PKHD1: variants seen among roughly 807,000 people sequenced by gnomAD.
PKHD1 encodes the protein PKHD1 ciliary IPT domain containing fibrocystin/polyductin, also known as fibrocystin.
In PKHD1, 291 loss-of-function variants were observed where a neutral mutation model predicts 412.0. The observed-to-expected ratio is 0.71, with a 90% CI of 0.64 to 0.78. The LOEUF is 0.78. Ranked by LOEUF, PKHD1 falls within the 30% of genes least tolerant of loss-of-function variation. The pLI, the probability that PKHD1 is intolerant of heterozygous loss-of-function variation, is 0.00. For missense variants in PKHD1, 4,825 were observed against 4,950.7 expected (o/e 0.97, Z 0.76); for synonymous variants, 1,777 against 1,821.5 (o/e 0.98, Z 0.62).
intron 53 of PKHD1, among the ~76,000 whole-genome samples, chr6:51,779,989 T>G (rs1217657800): frequency 2.0e-5 from 3 of 152,104 alleles, no homozygotes; most frequent in Admixed American, 1.3e-4. Flanking sequence ...ATACAGCATT[T>G]GTTTTCTGAC....
intron 36 of PKHD1, among the ~76,000 whole-genome samples, chr6:51,942,804 G>A (rs1184602267): frequency 6.6e-6 from 1 of 151,510 alleles, no homozygotes; most frequent in Non-Finnish European, 1.5e-5. Flanking sequence ...TTTCCATCGT[G>A]GAAATCCATC....
chr6:51,902,251 T>G (rs1781408700), intron 43 of PKHD1, among the ~76,000 whole-genome samples: 3 of 152,146 alleles, frequency 2.0e-5, no homozygotes, highest in South Asian at 4.1e-4. Flanking sequence ...ACTCTTTTAT[T>G]TACGCAGCTT....
chr6:51,924,743 G>A (rs1785251242), intron 37 of PKHD1, among the ~76,000 whole-genome samples: 1 of 152,126 alleles, frequency 6.6e-6, no homozygotes, highest in Admixed American at 6.5e-5. Context: ...GATAAAGGAG[G>A]TATCAAGAAT....
intron 49 of PKHD1, among the ~76,000 whole-genome samples, chr6:51,852,184 G>T (rs1045960238): frequency 6.6e-6 from 1 of 152,134 alleles, no homozygotes; most frequent in Non-Finnish European, 1.5e-5. Flanking sequence ...GGAGCAGATT[G>T]TTCAATTTCC....
At position 52,049,540 on chromosome 6, in the gene PKHD1, G is replaced by A. The variant is rs940814828; in HGVS notation, c.2279+617C>T. ...AGCACTCAATTCTTCCCATTCTACT[G>A]GGGTTTAGGTGAAAAATTAAAAGAA... On this transcript the variant is annotated intron_variant, in intron 22 of 66. Transcript: ENST00000371117. Among the ~76,000 whole-genome samples, 6 of 152,102 alleles carry A rather than the reference G, an allele frequency of 3.9e-5. No homozygotes were observed. In the East Asian group the frequency reaches 1.2e-3, roughly 29 times the overall value.
At chr6:52,072,391 C>A (rs1399063704) in intron 7 of PKHD1, among the ~76,000 whole-genome samples, 1 of 152,158 alleles carries the variant, frequency 6.6e-6, no homozygotes, top group East Asian at 1.9e-4. Flanking sequence ...CATGCTTTCA[C>A]ACTAAACAGA....
intron 65 of PKHD1, among the ~76,000 whole-genome samples, chr6:51,630,436 GA>G (rs1767788046): frequency 6.6e-6 from 1 of 152,054 alleles, no homozygotes; most frequent in African/African-American, 2.4e-5. Flanking sequence ...CATATTTTTT[GA>G]AAATACAACT....
intron 48 of PKHD1, among the ~76,000 whole-genome samples, chr6:51,856,395 T>C (rs541809999): frequency 4.2e-4 from 64 of 152,352 alleles, no homozygotes; most frequent in Admixed American, 9.2e-4. Context: ...TGGAGTGCAA[T>C]GCGCAGTCTC....
chr6:51,883,278 C>T (rs376161232), intron 45 of PKHD1, 51 bp from the exon 46 acceptor site: 157 of 1,521,308 alleles, frequency 1.0e-4, no homozygotes, highest in Non-Finnish European at 1.3e-4. Flanking sequence ...GTTTTTCTTG[C>T]GGACTTCCTG....
Position 51,867,939 on chromosome 6 carries a change from T to C in PKHD1, c.7657A>G (p.Asn2553Asp). 6.2e-7 allele frequency: 1 copy of C among 1,613,376 alleles called. No individual in the cohort carries two copies. The highest frequency in any genetic ancestry group is 8.5e-7 in the Non-Finnish European group (1 of 1,179,396). Residue 2553 changes from asparagine to aspartate, a missense_variant, in exon 48 of 67, where the codon AAT (asparagine) becomes GAT (aspartate). Physicochemically the swap from Asn to Asp is conservative, Grantham distance 23. Coordinates refer to ENST00000371117, the MANE Select transcript of PKHD1 (RefSeq NM_138694.4). ...METLSASCLV[N>D]SSFGRVVHGS... ...TGGACAACCCGACCAAAGCTTGAAT[T>C]GACCAAACAAGAAGCTGAAAGGGTT...
At chr6:51,702,007 T>C (rs1779459863) in intron 60 of PKHD1, among the ~76,000 whole-genome samples, 1 of 150,996 alleles carries the variant, frequency 6.6e-6, no homozygotes. Flanking sequence ...TTTTATTTTA[T>C]AAGACCTCAA....
intron 63 of PKHD1, 51 bp from the exon 64 acceptor site, chr6:51,639,007 C>G: frequency 7.9e-7 from 1 of 1,271,624 alleles, no homozygotes; most frequent in Non-Finnish European, 1.2e-6. Flanking sequence ...TAATCTCGAA[C>G]AATGTCTTCA....
intron 52 of PKHD1, among the ~76,000 whole-genome samples, chr6:51,811,499 A>G (rs140439085): frequency 6.6e-6 from 1 of 152,322 alleles, no homozygotes; most frequent in East Asian, 1.9e-4. Context: ...AAAGTCACAT[A>G]TGAATACTTA....
At chr6:51,902,004 C>T (rs570404714) in intron 43 of PKHD1, among the ~76,000 whole-genome samples, 55 of 152,198 alleles carry the variant, frequency 3.6e-4, no homozygotes, top group Non-Finnish European at 5.7e-4. Flanking sequence ...TCTGCACCTG[C>T]AGCCAGCTCA....
At chr6:52,021,895 T>G (rs1447866470) in intron 33 of PKHD1, among the ~76,000 whole-genome samples, 1 of 152,176 alleles carries the variant, frequency 6.6e-6, no homozygotes, top group Non-Finnish European at 1.5e-5. Flanking sequence ...TTGTAAATCT[T>G]TAGCCCACAT....
At chr6:51,811,778 C>T (rs895973526) in intron 52 of PKHD1, among the ~76,000 whole-genome samples, 3 of 151,880 alleles carry the variant, frequency 2.0e-5, no homozygotes, top group African/African-American at 4.8e-5. Flanking sequence ...TAAAGTTATT[C>T]ATTATATAAA....
rs952501555 is a variant in PKHD1 at position 51,617,697 on chromosome 6, A to G, written c.*1384T>C. 4 of 152,166 alleles carry G rather than the reference A, an allele frequency of 2.6e-5. No individual in the cohort carries two copies. Among genetic ancestry groups the G allele is most frequent in the African/African-American group, 9.7e-5 (4 of 41,428 alleles). The allele number at this position is 152,166 out of a possible 1,614,324, so 9.4% of individuals were successfully genotyped here. A position where few individuals can be genotyped will look rare whatever the true frequency, so the allele number is the denominator to read the frequency against. On this transcript the variant is annotated 3_prime_UTR_variant, in exon 67 of 67. Transcript: ENST00000371117. ...AGAAGAGGTTAAAACATTTCTGCCA[A>G]TTCTTAGTAGGGTGAGACACACCTG...
chr6:52,073,429 A>G (rs367700639), intron 7 of PKHD1, 34 bp downstream of exon 7: 8 of 1,301,310 alleles, frequency 6.1e-6, no homozygotes, highest in Non-Finnish European at 5.6e-6. Flanking sequence ...GCATGTATGT[A>G]ACTAGTTAAA....
chr6:51,928,978 C>T (rs2127747285), intron 37 of PKHD1, among the ~76,000 whole-genome samples: 1 of 152,186 alleles, frequency 6.6e-6, no homozygotes, highest in Admixed American at 6.5e-5. Context: ...AATAAAGCTA[C>T]ATATAAAAAT....
Sources: allele counts gnomAD v4.1 joint callset (sites outside exome capture counted in the v4.1 genomes callset), GRCh38; gene constraint gnomAD v4.1.1; transcripts MANE v1.5; gene names NCBI Gene and HGNC (gene_info 2026-07-23, HGNC 2026-07-21).